Variants in PDZRN4 observed in about 807,000 individuals in gnomAD.
PDZRN4 encodes the protein PDZ domain containing ring finger 4, also known as PDZ domain-containing RING finger protein 4.
A neutral mutation model predicts 99.0 loss-of-function variants in PDZRN4; 70 were observed. The observed-to-expected ratio is 0.71, with a 90% CI of 0.58 to 0.86. PDZRN4 has a LOEUF of 0.86. PDZRN4 is among the 40% of genes least tolerant of loss of function. The pLI is 0.00. For synonymous variants in PDZRN4, 551 were observed against 501.6 expected, an observed-to-expected ratio of 1.10 and a Z score of -1.32; for missense variants, 1,474 against 1,331.2, an observed-to-expected ratio of 1.11 and a Z score of -1.67.
At chr12:41,409,149 A>T (rs1207710075) in intron 3 of PDZRN4, among the ~76,000 whole-genome samples, 1 of 152,190 alleles carries the variant, frequency 6.6e-6, no homozygotes, top group African/African-American at 2.4e-5. Context: ...AAGTCATATT[A>T]ATATAACCTG....
chr12:41,402,944 A>T (rs1229593543), intron 3 of PDZRN4, among the ~76,000 whole-genome samples: 2 of 151,838 alleles, frequency 1.3e-5, no homozygotes, highest in East Asian at 3.9e-4. Flanking sequence ...AAATTTAGGG[A>T]ATTGATATAT....
Position 41,555,052 on chromosome 12 carries a change from CAAAAAAAAAAAAAAAAAAAA to C in PDZRN4, c.1303-636_1303-617del, listed in dbSNP as rs67810817. Among the ~76,000 whole-genome samples, 243 of 113,540 alleles carry C rather than the reference CAAAAAAAAAAAAAAAAAAAA, an allele frequency of 2.1e-3. 4 individuals are homozygous for C. The highest frequency in any genetic ancestry group is 7.9e-3 in the African/African-American group (233 of 29,362). 74.5% of individuals were successfully genotyped at this position (113,540 alleles called of 152,430 possible). A position where few individuals can be genotyped will look rare whatever the true frequency, so the allele number is the denominator to read the frequency against. Reference sequence around the variant, plus strand: ...TGAAACCCCATCTCTACTAAAAATACAAAAAAAAAAAAAAAAAAAAAAAAAAAAATTAGCCAGGCGTGGTG... The same window carrying C: ...TGAAACCCCATCTCTACTAAAAATACAAAAAAAAATTAGCCAGGCGTGGTG... On this transcript the variant is annotated intron_variant, in intron 6 of 9. Transcript: ENST00000402685.
intron 3 of PDZRN4, among the ~76,000 whole-genome samples, chr12:41,210,099 G>T (rs1426731026): frequency 6.6e-6 from 1 of 152,126 alleles, no homozygotes; most frequent in Non-Finnish European, 1.5e-5. Flanking sequence ...GATGGCCAGT[G>T]ATGATGAGCA....
At chr12:41,226,044 A>G (rs1360322115) in intron 3 of PDZRN4, among the ~76,000 whole-genome samples, 1 of 152,022 alleles carries the variant, frequency 6.6e-6, no homozygotes, top group Admixed American at 6.6e-5. Flanking sequence ...GATGTGGTTA[A>G]ATGATGTCTT....
chr12:41,563,557 G>A lies in PDZRN4; in HGVS notation c.1375G>A (p.Glu459Lys), dbSNP rs1348213460. ...CTCATTTGTTTTCTAGATAAATGGGGAAGATGTCCAGAATCGAGAAGAAGC... is the reference window on the plus strand; with the variant it reads ...CTCATTTGTTTTCTAGATAAATGGGAAAGATGTCCAGAATCGAGAAGAAGC... ...EGDRILQING[E>K]DVQNREEAVA... Residue 459 changes from glutamate (E) to lysine (K), a missense_variant, in exon 8 of 10, where the codon GAA becomes AAA. Physicochemically the swap from Glu to Lys is moderately conservative, Grantham distance 56. Coordinates refer to ENST00000402685, the MANE Select transcript of PDZRN4 (RefSeq NM_001164595.2). 1 of 1,611,966 alleles carries A rather than the reference G, an allele frequency of 6.2e-7. No homozygotes were observed. The highest frequency in any genetic ancestry group is 8.5e-7 in the Non-Finnish European group (1 of 1,178,224).
intron 9 of PDZRN4, among the ~76,000 whole-genome samples, chr12:41,570,416 A>T (rs1592117810): frequency 6.6e-6 from 1 of 152,202 alleles, no homozygotes; most frequent in Non-Finnish European, 1.5e-5. Flanking sequence ...TAGACCAATA[A>T]CAAGGGAAAG....
chr12:41,207,601 C>A (rs1950860383), intron 3 of PDZRN4, among the ~76,000 whole-genome samples: 1 of 151,440 alleles, frequency 6.6e-6, no homozygotes, highest in South Asian at 2.1e-4. Context: ...AATTATATAC[C>A]AAATGGCTGT....
At chr12:41,374,389 G>C (rs983269818) in intron 3 of PDZRN4, among the ~76,000 whole-genome samples, 1 of 152,222 alleles carries the variant, frequency 6.6e-6, no homozygotes, top group East Asian at 1.9e-4. Context: ...TGCATGATCT[G>C]GTAATTGCTG....
intron 3 of PDZRN4, among the ~76,000 whole-genome samples, chr12:41,477,327 T>C (rs1937612730): frequency 6.6e-6 from 1 of 152,192 alleles, no homozygotes; most frequent in African/African-American, 2.4e-5. Flanking sequence ...TAAGTAGCCG[T>C]GATTGCAACT....
chr12:41,377,028 A>G lies in PDZRN4; in HGVS notation c.844-129428A>G, dbSNP rs547073652. On this transcript the variant is annotated intron_variant, in intron 3 of 9. Coordinates refer to ENST00000402685, the MANE Select transcript of PDZRN4 (RefSeq NM_001164595.2). The stretch of plus-strand genomic sequence containing the variant: ...ATTCTTGGCACTTTTATCAAATACT[A>G]GTTGACTATATATGCCTGGGTTTAT... Among the ~76,000 whole-genome samples, 19 of 152,276 alleles carry G rather than the reference A, an allele frequency of 1.2e-4. 1 individual carries two copies. The South Asian group carries it at 3.9e-3, about 32-fold the overall frequency.
chr12:41,221,289 C>T (rs570515587), intron 3 of PDZRN4, among the ~76,000 whole-genome samples: 2 of 152,140 alleles, frequency 1.3e-5, no homozygotes, highest in African/African-American at 2.4e-5. Context: ...AGCACTTACT[C>T]GTCCTAACAC....
At chr12:41,356,559 T>C (rs1951929034) in intron 3 of PDZRN4, among the ~76,000 whole-genome samples, 1 of 151,980 alleles carries the variant, frequency 6.6e-6, no homozygotes, top group African/African-American at 2.4e-5. Context: ...GTATTGTATG[T>C]TGTTGAATTT....
intron 3 of PDZRN4, among the ~76,000 whole-genome samples, chr12:41,362,920 C>A (rs1951973810): frequency 6.6e-6 from 1 of 152,106 alleles, no homozygotes. Context: ...CAGCAACTTG[C>A]ATAATCTTAG....
chr12:41,412,418 C>T (rs1451704605), intron 3 of PDZRN4: 1 of 151,892 alleles, frequency 6.6e-6, no homozygotes, highest in Non-Finnish European at 1.5e-5. Flanking sequence ...TGGTCAGAAA[C>T]TTGGCCATGG....
At chr12:41,444,285 C>G (rs992746826) in intron 3 of PDZRN4, among the ~76,000 whole-genome samples, 1 of 152,104 alleles carries the variant, frequency 6.6e-6, no homozygotes, top group Non-Finnish European at 1.5e-5. Context: ...CAACGTCATT[C>G]CCCTCCCTGG....
chr12:41,532,758 A>G (rs1457724654), intron 5 of PDZRN4, among the ~76,000 whole-genome samples: 1 of 152,190 alleles, frequency 6.6e-6, no homozygotes, highest in Admixed American at 6.5e-5. Context: ...GTTCTCATAT[A>G]TAAAAAGGGA....
At chr12:41,191,103 G>A (rs1289744560) in intron 1 of PDZRN4, among the ~76,000 whole-genome samples, 3 of 152,030 alleles carry the variant, frequency 2.0e-5, no homozygotes, top group African/African-American at 7.2e-5. Context: ...GTAATGGAGG[G>A]AAAAATAAAG....
At chr12:41,238,707 TTAAAAAA>T (rs57459395) in intron 3 of PDZRN4, among the ~76,000 whole-genome samples, 100,911 of 150,326 alleles carry the variant, frequency 0.67, 33,961 homozygotes, top group South Asian at 0.73. Flanking sequence ...ATGGCTATTA[TTAAAAAA>T]TAAAAAATAA....
chr12:41,212,686 T>C (rs150812825), intron 3 of PDZRN4, among the ~76,000 whole-genome samples: 10 of 152,148 alleles, frequency 6.6e-5, no homozygotes, highest in Non-Finnish European at 8.8e-5. Context: ...TTAGGAATTG[T>C]AGTAAATGTA....
Sources: gnomAD v4.1 joint callset for allele counts (sites outside exome capture counted in the v4.1 genomes callset) on GRCh38, gnomAD v4.1.1 for gene constraint, MANE v1.5 for transcripts, NCBI Gene and HGNC (gene_info 2026-07-23, HGNC 2026-07-21) for gene names.